Variants in DENND2C observed in about 807,000 individuals in gnomAD.
DENND2C encodes the protein DENN domain containing 2C.
A neutral mutation model predicts 112.4 loss-of-function variants in DENND2C; 72 were observed. The observed-to-expected ratio is 0.64, with a 90% confidence interval of 0.53 to 0.78. The LOEUF is 0.78. Ranked by LOEUF, DENND2C falls within the 30% of genes least tolerant of loss-of-function variation. DENND2C has a pLI of 0.00. For missense variants in DENND2C, 992 were observed against 1,113.8 expected (o/e 0.89, Z 1.56); for synonymous variants, 329 against 381.6 (o/e 0.86, Z 1.61).
intron 7 of DENND2C, among the ~76,000 whole-genome samples, chr1:114,618,951 A>G (rs1656080837): frequency 6.6e-6 from 1 of 152,248 alleles, no homozygotes; most frequent in African/African-American, 2.4e-5. Context: ...TGTCAAAGGG[A>G]ATATTCTAAG....
At chr1:114,586,234 G>A (rs1570748467) in intron 20 of DENND2C, among the ~76,000 whole-genome samples, 1 of 152,292 alleles carries the variant, frequency 6.6e-6, no homozygotes, top group East Asian at 1.9e-4. Flanking sequence ...GAAAATTAGA[G>A]ACTTGTAAGA....
In DENND2C at chr1:114,605,001, T is replaced by C. The variant is rs759366643; in HGVS notation, c.1588A>G (p.Met530Val). 15 of 1,613,610 alleles carry C rather than the reference T, an allele frequency of 9.3e-6. No individual in the cohort carries two copies. In the East Asian group the frequency reaches 3.1e-4, roughly 34 times the overall value. ...GGAATAACTTTAAGTCTCTCTTCCA[T>C]GTCTTTGGACTGCTTATAGCCATGA... is the stretch of plus-strand genomic sequence containing the variant. ...DDHGYKQSKDMEERLKVIPKF... is the reference protein window; with the variant it reads ...DDHGYKQSKDVEERLKVIPKF... Residue 530 changes from methionine to valine, a missense_variant, in exon 11 of 21, where the codon ATG (methionine) becomes GTG (valine). By Grantham distance (21) the Met-to-Val change is conservative. Transcript: ENST00000393274.
intron 3 of DENND2C, among the ~76,000 whole-genome samples, chr1:114,631,185 G>A (rs571860325): frequency 2.6e-5 from 4 of 151,896 alleles, no homozygotes; most frequent in Admixed American, 2.0e-4. Context: ...AGACCAGTCT[G>A]GCAAACATGG....
intron 3 of DENND2C, among the ~76,000 whole-genome samples, chr1:114,626,488 A>G (rs1204747994): frequency 6.6e-6 from 1 of 150,530 alleles, no homozygotes; most frequent in Non-Finnish European, 1.5e-5. Context: ...GCAGTATACA[A>G]TATTTTTGTA....
intron 8 of DENND2C, among the ~76,000 whole-genome samples, chr1:114,611,592 C>T (rs188547971): frequency 1.3e-3 from 195 of 152,316 alleles, no homozygotes; most frequent in African/African-American, 4.5e-3. Flanking sequence ...CCTACCTCTT[C>T]TATGGTGCCT....
chr1:114,631,016 T>A (rs1395463218), intron 3 of DENND2C, among the ~76,000 whole-genome samples: 1 of 152,210 alleles, frequency 6.6e-6, no homozygotes, highest in Non-Finnish European at 1.5e-5. Context: ...GAAATTTAAG[T>A]ACTCACAAAA....
At chr1:114,600,795 A>G (rs1390737518) in intron 14 of DENND2C, 25 bp downstream of exon 14, 1 of 1,604,618 alleles carries the variant, frequency 6.2e-7, no homozygotes, top group Non-Finnish European at 8.5e-7. Flanking sequence ...GTGCTATCAA[A>G]TCTTTTCAAA....
intron 3 of DENND2C, among the ~76,000 whole-genome samples, chr1:114,634,233 G>A (rs139825334): frequency 6.6e-6 from 1 of 152,284 alleles, no homozygotes; most frequent in Non-Finnish European, 1.5e-5. Flanking sequence ...CAGAAAATCA[G>A]TAAATATATA....
chr1:114,633,252 C>T (rs1248737199), intron 3 of DENND2C, among the ~76,000 whole-genome samples: 1 of 151,776 alleles, frequency 6.6e-6, no homozygotes, highest in Non-Finnish European at 1.5e-5. Flanking sequence ...CAAAATCGGC[C>T]TGGCCAACAT....
Position 114,591,987 on chromosome 1 carries a change from C to A in DENND2C, c.2431+2486G>T, listed in dbSNP as rs998964902. ...GCAACCTCCACCTCCCGGGTTCAAG[C>A]GATTCTCCTGCCTCAGCATACTGAG... On this transcript the variant is annotated intron_variant, in intron 18 of 20. Transcript: ENST00000393274. Among the ~76,000 whole-genome samples, 3 of 152,014 alleles carry A rather than the reference C, an allele frequency of 2.0e-5. No homozygotes were observed. In the East Asian group the frequency reaches 5.8e-4, roughly 29 times the overall value.
In DENND2C at chr1:114,584,265, T is replaced by A. The variant is rs1168359216; in HGVS notation, c.*1335A>T. 6.6e-6 allele frequency: 1 copy of A among 152,190 alleles called. No individual in the cohort carries two copies. The highest frequency in any genetic ancestry group is 2.4e-5 in the African/African-American group (1 of 41,424). 9.4% of individuals were successfully genotyped at this position (152,190 alleles called of 1,614,324 possible). ...CTTCTTTGAATTTGTTTTTTTCTTTTTTCTTTTCCTTTTTTCTTTTTTTTG... is the reference window on the plus strand; with the variant it reads ...CTTCTTTGAATTTGTTTTTTTCTTTATTCTTTTCCTTTTTTCTTTTTTTTG... On this transcript the variant is annotated 3_prime_UTR_variant, in exon 21 of 21. Transcript: ENST00000393274.
chr1:114,618,118 A>G lies in DENND2C; in HGVS notation c.1324+268T>C, dbSNP rs572084822. ...ATTCTCCTGCCTCAGCCTCTTGAGT[A>G]GCTGGGACTACAGGCGCCCGCCACC... On this transcript the variant is annotated intron_variant, in intron 8 of 20. Transcript: ENST00000393274. 2.0e-5 allele frequency among the ~76,000 whole-genome samples: 3 copies of G among 151,950 alleles called. No homozygotes were observed. The South Asian group carries it at 6.3e-4, about 32-fold the overall frequency.
chr1:114,600,134 AT>A, intron 15 of DENND2C, 69 bp downstream of exon 15: 1 of 1,527,388 alleles, frequency 6.5e-7, no homozygotes, highest in Non-Finnish European at 8.8e-7. Context: ...ATAAAAAAAA[AT>A]GCCCCAATTT....
At chr1:114,662,356 C>T (rs1330137537) in intron 1 of DENND2C, among the ~76,000 whole-genome samples, 1 of 151,986 alleles carries the variant, frequency 6.6e-6, no homozygotes, top group Admixed American at 6.6e-5. Context: ...GCAAAAATAA[C>T]TCTCTCTCTC....
chr1:114,595,744 C>G, intron 17 of DENND2C, 88 bp downstream of exon 17: 1 of 1,241,192 alleles, frequency 8.1e-7, no homozygotes, highest in Non-Finnish European at 1.2e-6. Flanking sequence ...GAGTCATATT[C>G]TCTAAGTACT....
chr1:114,644,344 A>G (rs78222773), intron 3 of DENND2C, among the ~76,000 whole-genome samples: 8,722 of 152,256 alleles, frequency 0.057, 373 homozygotes, highest in African/African-American at 0.11. Context: ...TCACTGGAAT[A>G]TAAGCTTTTT....
At chr1:114,668,519 C>T (rs911738131) in intron 1 of DENND2C, among the ~76,000 whole-genome samples, 1 of 64,502 alleles carries the variant, frequency 1.6e-5, no homozygotes, top group Non-Finnish European at 3.0e-5. Context: ...CTGCCACATT[C>T]AACACACACA....
rs377131820 is a variant in DENND2C, at chr1:114,611,052, C to G, written c.1369+21G>C. On this transcript the variant is annotated intron_variant, in intron 9 of 20. Transcript: ENST00000393274. The stretch of plus-strand genomic sequence containing the variant: ...CCCATGATCATCACAACAACGGGAG[C>G]AGCCCCATTGACTCACTCACTCTTT... The G allele has an allele frequency of 1.9e-6, 3 of 1,614,048 alleles. No homozygotes were observed. In the Admixed American group the frequency reaches 5.0e-5, roughly 27 times the overall value.
chr1:114,657,789 G>A (rs139366185), intron 1 of DENND2C, among the ~76,000 whole-genome samples: 1 of 152,350 alleles, frequency 6.6e-6, no homozygotes, highest in African/African-American at 2.4e-5. Flanking sequence ...GGAACGTGAA[G>A]TCCAGGAAAT....
Sources: gnomAD v4.1 joint callset for allele counts (sites outside exome capture counted in the v4.1 genomes callset) on GRCh38, gnomAD v4.1.1 for gene constraint, MANE v1.5 for transcripts, NCBI Gene and HGNC (gene_info 2026-07-23, HGNC 2026-07-21) for gene names.